SCN2A: variants seen among roughly 807,000 people sequenced by gnomAD.
SCN2A encodes sodium channel protein type 2 subunit alpha.
A neutral mutation model predicts 188.7 loss-of-function variants in SCN2A; 20 were observed. The ratio of observed to expected loss-of-function variants is 0.11; its 90% CI spans 0.07 to 0.15. SCN2A has a LOEUF of 0.15. SCN2A is among the 10% of genes least tolerant of loss of function. The pLI is 1.00. For missense variants in SCN2A, 1,278 were observed against 2,445.0 expected (o/e 0.52, Z 10.07); for synonymous variants, 804 against 833.1 (o/e 0.97, Z 0.60).
chr2:165,280,570 C>A (rs1695541270), intron 1 of SCN2A, among the ~76,000 whole-genome samples: 1 of 152,160 alleles, frequency 6.6e-6, no homozygotes, highest in Admixed American at 6.5e-5. Context: ...TACGTGCCCC[C>A]ACCCATATCC....
intron 7 of SCN2A, among the ~76,000 whole-genome samples, chr2:165,311,246 C>A (rs1697410204): frequency 6.6e-6 from 1 of 151,908 alleles, no homozygotes. Flanking sequence ...TTGAGCCCAG[C>A]CCCTCTGTCA....
intron 16 of SCN2A, among the ~76,000 whole-genome samples, chr2:165,351,898 A>G (rs1416283451): frequency 6.6e-6 from 1 of 150,398 alleles, no homozygotes; most frequent in Non-Finnish European, 1.5e-5. Flanking sequence ...AAAGAATCCA[A>G]TATAATGTGA....
chr2:165,293,135 A>T (rs939597731), intron 1 of SCN2A, among the ~76,000 whole-genome samples: 1 of 152,212 alleles, frequency 6.6e-6, no homozygotes, highest in African/African-American at 2.4e-5. Context: ...ATTTAAGATT[A>T]TCTGGGGCTG....
chr2:165,360,313 A>G lies in SCN2A; in HGVS notation c.3400-4830A>G, dbSNP rs534405960. 2.0e-5 allele frequency among the ~76,000 whole-genome samples: 3 copies of G among 152,124 alleles called. No individual in the cohort carries two copies. In the Middle Eastern group the frequency reaches 0.01, roughly 517 times the overall value. ...TTGCTCACATTTGCTGTCTAAAGAA[A>G]AACTATTCATCTGGCACATTCATAT... On this transcript the variant is annotated intron_variant, in intron 17 of 26. Coordinates refer to ENST00000375437, the MANE Select transcript of SCN2A (RefSeq NM_001040142.2).
chr2:165,255,909 A>C (rs1694295806), intron 1 of SCN2A, among the ~76,000 whole-genome samples: 2 of 121,074 alleles, frequency 1.7e-5, no homozygotes, highest in Admixed American at 1.8e-4. Context: ...GAAACAAACC[A>C]TTTTCCCCTA....
chr2:165,357,047 G>A (rs1700216598), intron 17 of SCN2A, among the ~76,000 whole-genome samples: 1 of 152,148 alleles, frequency 6.6e-6, no homozygotes, highest in Non-Finnish European at 1.5e-5. Context: ...TGTTACTTCA[G>A]TGTTAACATT....
In SCN2A at chr2:165,341,309, A is replaced by G. The variant is rs567553430; in HGVS notation, c.2389-987A>G. ...GAGGTTTCACCGTGTTAGCCAGGAT[A>G]GTCTCGATCTCCTGACCTCGTGATC... On this transcript the variant is annotated intron_variant, in intron 14 of 26. Transcript: ENST00000375437. 2.6e-4 allele frequency among the ~76,000 whole-genome samples: 39 copies of G among 151,474 alleles called. No homozygotes were observed. The South Asian group carries it at 7.1e-3, about 28-fold the overall frequency.
At chr2:165,250,218 G>C in intron 1 of SCN2A, among the ~76,000 whole-genome samples, 1 of 151,990 alleles carries the variant, frequency 6.6e-6, no homozygotes, top group East Asian at 1.9e-4. Context: ...TAATACATAT[G>C]CTGAGCTCTA....
intron 1 of SCN2A, among the ~76,000 whole-genome samples, chr2:165,260,937 T>C (rs868805522): frequency 2.4e-5 from 3 of 126,986 alleles, no homozygotes; most frequent in African/African-American, 9.4e-5. Flanking sequence ...GCCACTGCAC[T>C]CCAGCCTGGG....
chr2:165,305,070 A>G (rs1398915013), intron 3 of SCN2A, among the ~76,000 whole-genome samples: 1 of 152,212 alleles, frequency 6.6e-6, no homozygotes, highest in Non-Finnish European at 1.5e-5. Flanking sequence ...CCATGCAGTG[A>G]TATGGGGATG....
intron 23 of SCN2A, among the ~76,000 whole-genome samples, chr2:165,379,114 T>C (rs1701464550): frequency 1.3e-5 from 2 of 151,826 alleles, no homozygotes; most frequent in South Asian, 2.1e-4. Flanking sequence ...CAACGTATCC[T>C]AAAGAAACTT....
chr2:165,348,824 C>T (rs1699740214), intron 16 of SCN2A, among the ~76,000 whole-genome samples: 1 of 152,192 alleles, frequency 6.6e-6, no homozygotes, highest in Non-Finnish European at 1.5e-5. Context: ...CTCAGTTTTT[C>T]TCTGCAGGAC....
At chr2:165,260,801 C>G (rs1462560849) in intron 1 of SCN2A, among the ~76,000 whole-genome samples, 1 of 151,754 alleles carries the variant, frequency 6.6e-6, no homozygotes, top group Non-Finnish European at 1.5e-5. Context: ...ACCCCCCTCT[C>G]TACTAAAAAT....
At chr2:165,270,690 C>T (rs1695065796) in intron 1 of SCN2A, 2 of 152,078 alleles carry the variant, frequency 1.3e-5, no homozygotes, top group African/African-American at 4.8e-5. Context: ...AGAGTCAGGT[C>T]CTGCTTGGGT....
chr2:165,250,485 T>C (rs1185472069), intron 1 of SCN2A, among the ~76,000 whole-genome samples: 1 of 85,060 alleles, frequency 1.2e-5, no homozygotes, highest in Admixed American at 1.4e-4. Context: ...CCTCTTGCTC[T>C]ATTTCACACA....
At chr2:165,292,877 T>C (rs1444209537) in intron 1 of SCN2A, among the ~76,000 whole-genome samples, 1 of 152,214 alleles carries the variant, frequency 6.6e-6, no homozygotes. Context: ...GATGAAATAA[T>C]ACAGGGCAAA....
In SCN2A at chr2:165,326,968, G is replaced by T; in HGVS notation, c.2133G>T (p.Leu711Phe). The part of the protein sequence containing the change: ...RQRAMSIASI[L>F]TNTMEELEES... ...GAGCAATGAGTATAGCCAGTATTTTGACCAACACCATGGAAGGTATGTTAA... is the reference window on the plus strand; with the variant it reads ...GAGCAATGAGTATAGCCAGTATTTTTACCAACACCATGGAAGGTATGTTAA... The change falls in exon 13 of 27, where the codon TTG becomes TTT. Residue 711 changes from leucine (L) to phenylalanine (F), a missense_variant. Leu to Phe is a conservative substitution (Grantham distance 22). Around this residue, in one of 17 missense-constraint regions of SCN2A, gnomAD observed 315 missense variants for 386.6 expected, o/e 0.81. Coordinates refer to ENST00000375437, the MANE Select transcript of SCN2A (RefSeq NM_001040142.2). 1.9e-6 allele frequency: 3 copies of T among 1,613,878 alleles called. No homozygotes were observed. In the South Asian group the frequency reaches 3.3e-5, roughly 18 times the overall value.
chr2:165,321,268 G>T (rs184906649), intron 11 of SCN2A, among the ~76,000 whole-genome samples: 1 of 152,172 alleles, frequency 6.6e-6, no homozygotes, highest in African/African-American at 2.4e-5. Flanking sequence ...GGACCTTATT[G>T]TCCATATTGC....
intron 1 of SCN2A, among the ~76,000 whole-genome samples, chr2:165,255,885 G>A (rs1393795352): frequency 3.0e-5 from 3 of 101,216 alleles, no homozygotes; most frequent in Admixed American, 2.3e-4. Flanking sequence ...TTTCTTCCCC[G>A]CCCACCCCCC....
Sources: gnomAD v4.1 joint callset for allele counts (sites outside exome capture counted in the v4.1 genomes callset) on GRCh38, gnomAD v4.1.1 for gene constraint, gnomAD v4.1.1 regional missense constraint, MANE v1.5 for transcripts, NCBI Gene and HGNC (gene_info 2026-07-23, HGNC 2026-07-21) for gene names.